Variants in FAM193B observed in about 807,000 individuals in gnomAD.
FAM193B encodes protein FAM193B.
In FAM193B, 27 loss-of-function variants were observed where a neutral mutation model predicts 70.7. The observed-to-expected ratio is 0.38, with a 90% CI of 0.28 to 0.53. The LOEUF (loss-of-function observed/expected upper bound fraction) is 0.53. Ranked by LOEUF, FAM193B falls within the 20% of genes least tolerant of loss-of-function variation. The pLI, the probability that FAM193B is intolerant of heterozygous loss-of-function variation, is 0.81. For synonymous variants in FAM193B, 448 were observed against 436.0 expected (o/e 1.03, Z -0.34); for missense variants, 1,022 against 1,072.5 (o/e 0.95, Z 0.66).
At chr5:177,536,178 G>A (rs985092074) in intron 4 of FAM193B, 180 bp downstream of exon 4, 14 of 672,812 alleles carry the variant, frequency 2.1e-5, no homozygotes, top group Non-Finnish European at 2.5e-5. Context: ...CTCCCAAAGC[G>A]CTAGGAGTAT....
chr5:177,538,796 C>T lies in FAM193B; in HGVS notation c.453+109G>A. On this transcript the variant is annotated intron_variant, in intron 2 of 8. Transcript: ENST00000514747. This position sits in a 1 kb window ranked among gnomAD's most constrained non-coding sequence, Gnocchi z 4.1. ...AGTGCAGCCCAGAAGTCTCTCAGTG[C>T]CTGGGCATGGGAGCTGCCCAAGGAG... 1.4e-6 allele frequency: 2 copies of T among 1,440,490 alleles called. No individual in the cohort carries two copies. Among genetic ancestry groups the T allele is most frequent in the Non-Finnish European group, 1.9e-6 (2 of 1,054,512 alleles). 89.2% of individuals were successfully genotyped at this position (1,440,490 alleles called of 1,614,324 possible).
intron 5 of FAM193B, among the ~76,000 whole-genome samples, chr5:177,525,826 G>A (rs1191289791): frequency 6.6e-6 from 1 of 152,296 alleles, no homozygotes; most frequent in Admixed American, 6.5e-5. Context: ...CTTTGCCCAG[G>A]TGAGGCCTGG....
chr5:177,531,578 C>A, intron 5 of FAM193B: 3 of 1,198,682 alleles, frequency 2.5e-6, no homozygotes, highest in Admixed American at 3.1e-5. Flanking sequence ...GCCCACAGCA[C>A]TCCCTCCCAC....
At chr5:177,526,889 A>G (rs1258248324) in intron 5 of FAM193B, among the ~76,000 whole-genome samples, 1 of 152,208 alleles carries the variant, frequency 6.6e-6, no homozygotes, top group African/African-American at 2.4e-5. Flanking sequence ...CTGTGAGTTT[A>G]GCGTACGTGA....
intron 1 of FAM193B, among the ~76,000 whole-genome samples, chr5:177,547,930 AAGG>A (rs1463763315): frequency 1.3e-5 from 2 of 152,082 alleles, no homozygotes; most frequent in African/African-American, 4.8e-5. Flanking sequence ...CCAGAGTCTG[AAGG>A]ATGAAGGCAG....
At position 177,524,702 on chromosome 5, in the gene FAM193B, T is replaced by A; in HGVS notation, c.1779A>T (p.Leu593=). The A allele has an allele frequency of 6.3e-7, 1 of 1,598,558 alleles. No homozygotes were observed. The highest frequency in any genetic ancestry group is 2.2e-5 in the East Asian group (1 of 44,796). ...LVRRLNTVPN[L]SRVIWVKTPK... ...GTGTCTTGACCCAGATCACCCGGGA[T>A]AGGTTGGGCACGGTGTTGAGTCTCC... The change falls in exon 6 of 9, where the codon CTA becomes CTT. Residue 593 remains leucine (L), a synonymous_variant. Coordinates refer to ENST00000514747, the MANE Select transcript of FAM193B (RefSeq NM_001190946.3).
rs1377423763 is a variant in FAM193B, at chr5:177,532,727, C to T, written c.1077-86G>A. 15 of 1,303,052 alleles carry T rather than the reference C, an allele frequency of 1.2e-5. No homozygotes were observed. The highest frequency in any genetic ancestry group is 8.4e-5 in the South Asian group (5 of 59,642). The allele number at this position is 1,303,052 out of a possible 1,614,324, so 80.7% of individuals were successfully genotyped here. A position where few individuals can be genotyped will look rare whatever the true frequency, so the allele number is the denominator to read the frequency against. ...CCCAACCACCACCTGCCATCCTGAC[C>T]GCCCTTCACTTGCCCCACTCCACAG... On this transcript the variant is annotated intron_variant, in intron 4 of 8. Coordinates refer to ENST00000514747, the MANE Select transcript of FAM193B (RefSeq NM_001190946.3). The surrounding 1 kb of genome is among the most constrained non-coding windows in gnomAD (Gnocchi z 4.9).
intron 7 of FAM193B, 76 bp from the exon 8 acceptor site, chr5:177,522,147 T>C (rs981421314): frequency 1.7e-6 from 2 of 1,173,270 alleles, no homozygotes; most frequent in Non-Finnish European, 2.5e-6. Flanking sequence ...TAAGGTACCA[T>C]GTCCCCATCA....
chr5:177,524,098 C>A (rs1010805067), intron 6 of FAM193B, 66 bp from the exon 7 acceptor site: 54 of 1,612,530 alleles, frequency 3.3e-5, no homozygotes, highest in Non-Finnish European at 4.4e-5. Flanking sequence ...GCTCTGGGGG[C>A]AGCGCTGTCT....
intron 1 of FAM193B, chr5:177,551,973 C>G (rs1766312346): frequency 1.0e-6 from 1 of 958,646 alleles, no homozygotes; most frequent in African/African-American, 1.8e-5. Flanking sequence ...ACCGAATTTA[C>G]CAGTTTGTTT....
intron 5 of FAM193B, among the ~76,000 whole-genome samples, chr5:177,529,107 A>G (rs1251916861): frequency 6.6e-6 from 1 of 152,004 alleles, no homozygotes; most frequent in East Asian, 2.0e-4. Context: ...GAGAGTCTTC[A>G]GTGGATGTGG....
At chr5:177,548,887 C>T (rs1765808806) in intron 1 of FAM193B, among the ~76,000 whole-genome samples, 1 of 152,206 alleles carries the variant, frequency 6.6e-6, no homozygotes, top group Non-Finnish European at 1.5e-5. Flanking sequence ...TTTTCAAGAA[C>T]CCTGCTAGCC....
At chr5:177,529,956 C>A (rs1763201130) in intron 5 of FAM193B, among the ~76,000 whole-genome samples, 1 of 152,298 alleles carries the variant, frequency 6.6e-6, no homozygotes, top group Admixed American at 6.5e-5. Context: ...TCCTGGTTGT[C>A]CTTGGGGCTG....
intron 1 of FAM193B, among the ~76,000 whole-genome samples, chr5:177,552,414 A>T (rs1358072355): frequency 2.0e-5 from 3 of 152,232 alleles, no homozygotes; most frequent in African/African-American, 7.2e-5. Context: ...CATGGTAGGA[A>T]CCTAGATGTC....
Position 177,549,636 on chromosome 5 carries a change from C to T in FAM193B, c.210+4613G>A, listed in dbSNP as rs139362144. 5.9e-5 allele frequency among the ~76,000 whole-genome samples: 9 copies of T among 152,382 alleles called. No individual in the cohort carries two copies. The East Asian group carries it at 1.7e-3, about 29-fold the overall frequency. The stretch of plus-strand genomic sequence containing the variant: ...CTAGCATTACTGCAATTACTATACA[C>T]ACGTTCTCTAGACTATGAGCCCCTT... On this transcript the variant is annotated intron_variant, in intron 1 of 8. Transcript: ENST00000514747.
chr5:177,544,053 G>A (rs570859501), intron 1 of FAM193B, among the ~76,000 whole-genome samples: 7 of 152,374 alleles, frequency 4.6e-5, no homozygotes, highest in African/African-American at 1.7e-4. Flanking sequence ...GGCAAAAGAT[G>A]AGGGAAGAAA....
chr5:177,552,223 G>T, intron 1 of FAM193B: 1 of 209,058 alleles, frequency 4.8e-6, no homozygotes, highest in Non-Finnish European at 8.3e-6. Flanking sequence ...TGACTGACAT[G>T]GCTCCTGAAC....
intron 7 of FAM193B, 66 bp downstream of exon 7, chr5:177,523,891 C>T: frequency 1.9e-6 from 3 of 1,575,054 alleles, no homozygotes; most frequent in Non-Finnish European, 2.6e-6. Flanking sequence ...AGGCACAACA[C>T]AGGGCTTGAG....
At position 177,524,695 on chromosome 5, in the gene FAM193B, C is replaced by T; in HGVS notation, c.1786G>A (p.Val596Met). The T allele has an allele frequency of 6.2e-7, 1 of 1,602,440 alleles. No homozygotes were observed. Among genetic ancestry groups the T allele is most frequent in the Non-Finnish European group, 8.5e-7 (1 of 1,175,108 alleles). ...GGCTTGGGTGTCTTGACCCAGATCACCCGGGATAGGTTGGGCACGGTGTTG... is the reference window on the plus strand; with the variant it reads ...GGCTTGGGTGTCTTGACCCAGATCATCCGGGATAGGTTGGGCACGGTGTTG... ...RLNTVPNLSRVIWVKTPKPGY... is the reference protein window; with the variant it reads ...RLNTVPNLSRMIWVKTPKPGY... The change falls in exon 6 of 9, where the codon GTG becomes ATG. Residue 596 changes from valine to methionine, a missense_variant. Coordinates refer to ENST00000514747, the MANE Select transcript of FAM193B (RefSeq NM_001190946.3).
Sources: gnomAD v4.1 joint callset for allele counts (sites outside exome capture counted in the v4.1 genomes callset) on GRCh38, gnomAD v4.1.1 for gene constraint, Gnocchi (gnomAD v3.1) non-coding constraint, MANE v1.5 for transcripts, NCBI Gene and HGNC (gene_info 2026-07-23, HGNC 2026-07-21) for gene names.